ERBB4: variants seen among roughly 807,000 people sequenced by gnomAD.
The protein encoded by ERBB4 is erb-b2 receptor tyrosine kinase 4, also known as receptor tyrosine-protein kinase erbB-4.
Under a neutral mutation model 158.0 loss-of-function variants are expected in ERBB4, and 42 were observed. That is an observed-to-expected ratio of 0.27 (90% confidence interval 0.21 to 0.34). The LOEUF is 0.34. ERBB4 is among the 10% of genes least tolerant of loss of function. The pLI is 1.00. For synonymous variants in ERBB4, 583 were observed against 558.7 expected, an observed-to-expected ratio of 1.04 and a Z score of -0.61; for missense variants, 1,333 against 1,624.1, an observed-to-expected ratio of 0.82 and a Z score of 3.08.
At chr2:212,320,129 C>G (rs993915452) in intron 1 of ERBB4, among the ~76,000 whole-genome samples, 3 of 148,780 alleles carry the variant, frequency 2.0e-5, no homozygotes, top group Admixed American at 2.0e-4. Context: ...ATTAGGGTTC[C>G]AGGTTTGCGG....
At chr2:212,331,068 A>ATG (rs2088132705) in intron 1 of ERBB4, among the ~76,000 whole-genome samples, 1 of 130,748 alleles carries the variant, frequency 7.6e-6, no homozygotes, top group African/African-American at 2.7e-5. Context: ...GTATATATAT[A>ATG]TATACACATA....
chr2:212,020,742 T>G (rs966068869), intron 2 of ERBB4, among the ~76,000 whole-genome samples: 5 of 152,172 alleles, frequency 3.3e-5, no homozygotes, highest in Non-Finnish European at 5.9e-5. Context: ...GTTACTTTAC[T>G]GATATTTGTC....
intron 2 of ERBB4, among the ~76,000 whole-genome samples, chr2:212,007,437 T>G (rs2076285189): frequency 6.6e-6 from 1 of 151,848 alleles, no homozygotes. Flanking sequence ...AACCACCTTC[T>G]TAACATTTAC....
chr2:212,248,744 A>G (rs1243871778), intron 1 of ERBB4, among the ~76,000 whole-genome samples: 1 of 152,140 alleles, frequency 6.6e-6, no homozygotes, highest in East Asian at 1.9e-4. Context: ...CGGTTGCTCA[A>G]AATGTCAACT....
At chr2:211,826,227 T>C (rs1424576563) in intron 3 of ERBB4, among the ~76,000 whole-genome samples, 1 of 151,756 alleles carries the variant, frequency 6.6e-6, no homozygotes, top group African/African-American at 2.4e-5. Flanking sequence ...ATAGAGTGCA[T>C]AATCCTTCAT....
rs1693251715 is a variant in ERBB4 at position 212,538,657 on chromosome 2, C to G, written c.-127G>C. The G allele has an allele frequency of 8.7e-6, 8 of 914,384 alleles. No individual in the cohort carries two copies. In the South Asian group the frequency reaches 1.2e-4, roughly 13 times the overall value. The allele number at this position is 914,384 out of a possible 1,614,324, so 56.6% of individuals were successfully genotyped here. On this transcript the variant is annotated 5_prime_UTR_variant, in exon 1 of 28. Coordinates refer to ENST00000342788, the MANE Select transcript of ERBB4 (RefSeq NM_005235.3). Reference sequence around the variant, plus strand: ...GTGCGAGGGGGGCGGGCGCGGCGCGCGCGGTGTGGCGACTCCCAGGGCGGG... The same window carrying G: ...GTGCGAGGGGGGCGGGCGCGGCGCGGGCGGTGTGGCGACTCCCAGGGCGGG...
chr2:212,482,559 G>T (rs75938497), intron 1 of ERBB4, among the ~76,000 whole-genome samples: 58 of 152,312 alleles, frequency 3.8e-4, no homozygotes, highest in Non-Finnish European at 5.3e-4. Context: ...AACCTTAGGA[G>T]AAATTTAACA....
Position 212,023,016 on chromosome 2 carries a change from C to T in ERBB4, c.235-75400G>A, listed in dbSNP as rs938176286. Among the ~76,000 whole-genome samples the T allele has an allele frequency of 3.3e-5, 5 of 151,970 alleles. No homozygotes were observed. The East Asian group carries it at 5.8e-4, about 18-fold the overall frequency. ...TTTGAAGTTCATTTTTTTTTTATTA[C>T]GTTTTTATTTTTTCATTTGCACATA... On this transcript the variant is annotated intron_variant, in intron 2 of 27. Coordinates refer to ENST00000342788, the MANE Select transcript of ERBB4 (RefSeq NM_005235.3).
At chr2:211,996,376 C>T (rs944248845) in intron 2 of ERBB4, among the ~76,000 whole-genome samples, 8 of 151,604 alleles carry the variant, frequency 5.3e-5, no homozygotes, top group African/African-American at 1.9e-4. Flanking sequence ...CTGTGTTGGG[C>T]AATATTCAAA....
chr2:211,648,098 A>G (rs989677561), intron 16 of ERBB4, among the ~76,000 whole-genome samples: 5 of 151,872 alleles, frequency 3.3e-5, no homozygotes, highest in African/African-American at 1.2e-4. Context: ...ACAGTATTAT[A>G]TTTATTTGCC....
intron 2 of ERBB4, among the ~76,000 whole-genome samples, chr2:211,957,064 A>C (rs1575434204): frequency 6.6e-6 from 1 of 151,894 alleles, no homozygotes; most frequent in South Asian, 2.1e-4. Flanking sequence ...TCCTCGCCTC[A>C]AGCAATACTC....
At chr2:211,623,107 G>T (rs896808601) in intron 18 of ERBB4, among the ~76,000 whole-genome samples, 1 of 134,004 alleles carries the variant, frequency 7.5e-6, no homozygotes, top group East Asian at 2.4e-4. Flanking sequence ...TTCAGCATTT[G>T]CCCAGAAGAG....
chr2:211,991,836 C>T (rs2082081160), intron 2 of ERBB4, among the ~76,000 whole-genome samples: 1 of 152,110 alleles, frequency 6.6e-6, no homozygotes, highest in Non-Finnish European at 1.5e-5. Context: ...TCCCCTAAGT[C>T]TTCGGCTGAG....
At chr2:212,419,341 CATATT>C (rs1430368600) in intron 1 of ERBB4, among the ~76,000 whole-genome samples, 1 of 151,810 alleles carries the variant, frequency 6.6e-6, no homozygotes, top group East Asian at 1.9e-4. Flanking sequence ...TGAAGACAAA[CATATT>C]AAATAGGAAA....
chr2:212,055,954 A>G lies in ERBB4; in HGVS notation c.234+68798T>C, dbSNP rs142359777. ...AATGACTTTGACAAGTTGACAGAAG[A>G]AGGCTTCAGAAGATCAAACTTCTCT... On this transcript the variant is annotated intron_variant, in intron 2 of 27. Coordinates refer to ENST00000342788, the MANE Select transcript of ERBB4 (RefSeq NM_005235.3). Among the ~76,000 whole-genome samples, 78 of 152,356 alleles carry G rather than the reference A, an allele frequency of 5.1e-4. 1 individual carries two copies. The East Asian group carries it at 0.01, about 20-fold the overall frequency.
At chr2:211,883,884 A>C (rs1358854607) in intron 3 of ERBB4, among the ~76,000 whole-genome samples, 1 of 152,192 alleles carries the variant, frequency 6.6e-6, no homozygotes. Flanking sequence ...ATTATAGAAA[A>C]ACTCAATGGT....
chr2:211,751,235 T>A (rs1224982700), intron 4 of ERBB4, among the ~76,000 whole-genome samples: 1 of 152,208 alleles, frequency 6.6e-6, no homozygotes, highest in East Asian at 1.9e-4. Flanking sequence ...TTTCAATTAT[T>A]TTAATATATA....
chr2:212,207,464 G>A (rs971799608), intron 1 of ERBB4, among the ~76,000 whole-genome samples: 1 of 152,178 alleles, frequency 6.6e-6, no homozygotes, highest in African/African-American at 2.4e-5. Flanking sequence ...CTGTCGCCAT[G>A]TGCTACACAA....
At chr2:212,200,129 G>T (rs1410853864) in intron 1 of ERBB4, among the ~76,000 whole-genome samples, 2 of 152,036 alleles carry the variant, frequency 1.3e-5, no homozygotes, top group African/African-American at 2.4e-5. Context: ...ATCAGTAATG[G>T]TCTCCATTTA....
Sources: allele counts gnomAD v4.1 joint callset (sites outside exome capture counted in the v4.1 genomes callset), GRCh38; gene constraint gnomAD v4.1.1; transcripts MANE v1.5; gene names NCBI Gene and HGNC (gene_info 2026-07-23, HGNC 2026-07-21).